The following ANKMY2 variants were observed in gnomAD, a reference collection of about 807,000 sequenced individuals.
ANKMY2 encodes ankyrin repeat and MYND domain-containing protein 2.
Under a neutral mutation model 50.4 loss-of-function variants are expected in ANKMY2, and 36 were observed. That is an observed-to-expected ratio of 0.71 (90% CI 0.55 to 0.94). The LOEUF is 0.94. Among genes scored for constraint, ANKMY2 ranks in the 40% least tolerant of loss-of-function variants. The pLI, the probability that ANKMY2 is intolerant of heterozygous loss-of-function variation, is 0.00. For missense variants in ANKMY2, 565 were observed against 524.0 expected (o/e 1.08, Z -0.76); for synonymous variants, 187 against 178.8 (o/e 1.05, Z -0.36).
chr7:16,613,957 T>G (rs1781300043), intron 5 of ANKMY2, among the ~76,000 whole-genome samples: 1 of 150,504 alleles, frequency 6.6e-6, no homozygotes, highest in South Asian at 2.1e-4. Context: ...AAACCCTTAC[T>G]GCAATCTGAA....
At chr7:16,620,645 T>A (rs80013777) in intron 4 of ANKMY2, among the ~76,000 whole-genome samples, 1 of 145,152 alleles carries the variant, frequency 6.9e-6, no homozygotes, top group Non-Finnish European at 1.5e-5. Flanking sequence ...CAAACAATAG[T>A]CAAGTAAAAT....
chr7:16,644,001 CGA>C (rs372599710), intron 1 of ANKMY2, among the ~76,000 whole-genome samples: 2 of 151,510 alleles, frequency 1.3e-5, no homozygotes, highest in Admixed American at 6.6e-5. Flanking sequence ...CTCAAACAAA[CGA>C]GAGAGAGAGA....
intron 1 of ANKMY2, among the ~76,000 whole-genome samples, chr7:16,642,832 C>G (rs1781763606): frequency 6.6e-6 from 1 of 152,138 alleles, no homozygotes; most frequent in African/African-American, 2.4e-5. Context: ...TGTTGTTTTG[C>G]TAGAACTAAA....
intron 7 of ANKMY2, among the ~76,000 whole-genome samples, chr7:16,607,512 G>A (rs1427562829): frequency 6.6e-6 from 1 of 152,018 alleles, no homozygotes; most frequent in Non-Finnish European, 1.5e-5. Context: ...AGGTTGTAAT[G>A]AGCTGAGATT....
At chr7:16,626,116 C>G (rs55640742) in intron 3 of ANKMY2, among the ~76,000 whole-genome samples, 26,387 of 151,260 alleles carry the variant, frequency 0.17, 2,592 homozygotes, top group Middle Eastern at 0.26. Context: ...GAGTAGCTGG[C>G]ACCACAGACG....
rs550056379 is a variant in ANKMY2, at chr7:16,619,993, T to C, written c.371-4089A>G. Among the ~76,000 whole-genome samples, 15 of 152,350 alleles carry C rather than the reference T, an allele frequency of 9.8e-5. No individual in the cohort carries two copies. In the East Asian group the frequency reaches 2.9e-3, roughly 29 times the overall value. On this transcript the variant is annotated intron_variant, in intron 4 of 9. Transcript: ENST00000306999. Reference sequence around the variant, plus strand: ...TTAGAAAACTGTAGAATAACTTCTATATGTCGGAGAGAAAAGAACTCTGAT... The same window carrying C: ...TTAGAAAACTGTAGAATAACTTCTACATGTCGGAGAGAAAAGAACTCTGAT...
At position 16,602,420 on chromosome 7, in the gene ANKMY2, T is replaced by G; in HGVS notation, c.1101A>C (p.Gln367His). The G allele has an allele frequency of 6.2e-7, 1 of 1,613,904 alleles. No homozygotes were observed. Among genetic ancestry groups the G allele is most frequent in the East Asian group, 2.2e-5 (1 of 44,854 alleles). Residue 367 changes from glutamine (Q) to histidine (H), a missense_variant, in exon 9 of 10, where the codon CAA (glutamine) becomes CAC (histidine). Gln to His is a conservative substitution (Grantham distance 24, BLOSUM62 0). Coordinates refer to ENST00000306999, the MANE Select transcript of ANKMY2 (RefSeq NM_020319.3). ...TCTTTTCTTTGGCAGCCTCCAACTG[T>G]TGCTTTTCGTAAATGTCCTTCAGAT... Reference protein sequence around the residue: ...CKNLKDIYEKQQLEAAKEKRQ... With the variant: ...CKNLKDIYEKHQLEAAKEKRQ...
chr7:16,636,562 T>A, intron 1 of ANKMY2, 107 bp from the exon 2 acceptor site: 1 of 755,166 alleles, frequency 1.3e-6, no homozygotes, highest in Non-Finnish European at 2.1e-6. Flanking sequence ...AGAGTACATC[T>A]AGTCAGTGTA....
At chr7:16,645,091 T>C (rs989742178) in intron 1 of ANKMY2, among the ~76,000 whole-genome samples, 1 of 151,984 alleles carries the variant, frequency 6.6e-6, no homozygotes, top group Admixed American at 6.5e-5. Flanking sequence ...TCCAGATCAT[T>C]CGGCCTGCGG....
At chr7:16,605,672 TA>T (rs1325631116) in intron 7 of ANKMY2, among the ~76,000 whole-genome samples, 23,590 of 131,054 alleles carry the variant, frequency 0.18, 2,394 homozygotes, top group East Asian at 0.46. Flanking sequence ...TAATTTTTTG[TA>T]CTTTTTTTTT....
chr7:16,633,924 G>A (rs1311974495), intron 2 of ANKMY2, among the ~76,000 whole-genome samples: 1 of 151,938 alleles, frequency 6.6e-6, no homozygotes, highest in African/African-American at 2.4e-5. Flanking sequence ...ATAAGAAAAG[G>A]CTTAAGGCTA....
At chr7:16,619,583 A>C (rs62443206) in intron 4 of ANKMY2, among the ~76,000 whole-genome samples, 33,503 of 152,138 alleles carry the variant, frequency 0.22, 4,279 homozygotes, top group Middle Eastern at 0.3. Context: ...TATTTGAATA[A>C]TATGTTTAAA....
chr7:16,633,502 C>A (rs2128345879), intron 2 of ANKMY2, among the ~76,000 whole-genome samples: 1 of 152,104 alleles, frequency 6.6e-6, no homozygotes, highest in Middle Eastern at 3.4e-3. Context: ...TGTAAACAGT[C>A]AGCAATTTTT....
At chr7:16,605,893 C>T (rs1781151269) in intron 7 of ANKMY2, among the ~76,000 whole-genome samples, 1 of 151,850 alleles carries the variant, frequency 6.6e-6, no homozygotes. Flanking sequence ...CCGTGTCAGC[C>T]AGGATGGTCT....
chr7:16,640,792 G>A (rs1193820387), intron 1 of ANKMY2, among the ~76,000 whole-genome samples: 3 of 152,106 alleles, frequency 2.0e-5, no homozygotes, highest in Non-Finnish European at 4.4e-5. Context: ...AAAGTGCAGA[G>A]GGGTCACTCT....
In ANKMY2 at chr7:16,636,398, A is replaced by G. The variant is rs745504974; in HGVS notation, c.125T>C (p.Leu42Ser). 3.7e-6 allele frequency: 6 copies of G among 1,603,690 alleles called. No individual in the cohort carries two copies. The African/African-American group carries it at 6.7e-5, about 18-fold the overall frequency. Residue 42 changes from leucine to serine, a missense_variant, in exon 2 of 10, where the codon TTG becomes TCG. Leu to Ser is a moderately radical substitution (Grantham distance 145). Coordinates refer to ENST00000306999, the MANE Select transcript of ANKMY2 (RefSeq NM_020319.3). ...AAACTTCTAAAATCTTACCTCGTCC[A>G]AACAGTTGACACGAACATTCTTGCT... ...LSSKNVRVNC[L>S]DENGMTPLMH...
intron 4 of ANKMY2, among the ~76,000 whole-genome samples, chr7:16,617,474 C>T (rs1454324005): frequency 1.3e-5 from 2 of 152,164 alleles, no homozygotes; most frequent in Non-Finnish European, 2.9e-5. Flanking sequence ...CAACAGAGGG[C>T]TTCTTGGGTT....
chr7:16,607,984 C>G (rs949122072), intron 7 of ANKMY2, among the ~76,000 whole-genome samples: 2 of 152,150 alleles, frequency 1.3e-5, no homozygotes. Flanking sequence ...GACCCCTTTG[C>G]TCTTCCTGCC....
intron 2 of ANKMY2, among the ~76,000 whole-genome samples, chr7:16,632,940 A>G (rs554134854): frequency 6.6e-6 from 1 of 152,338 alleles, no homozygotes; most frequent in East Asian, 1.9e-4. Context: ...GATTATAGCT[A>G]TCCTGGTGGA....
Sources: allele counts gnomAD v4.1 joint callset (sites outside exome capture counted in the v4.1 genomes callset), GRCh38; gene constraint gnomAD v4.1.1; transcripts MANE v1.5; gene names NCBI Gene and HGNC (gene_info 2026-07-23, HGNC 2026-07-21).